PITPNB: variants seen among roughly 807,000 people sequenced by gnomAD.
PITPNB encodes phosphatidylinositol transfer protein beta.
In PITPNB, 16 loss-of-function variants were observed where a neutral mutation model predicts 45.9. The observed-to-expected ratio is 0.35, with a 90% confidence interval of 0.24 to 0.53. The LOEUF (loss-of-function observed/expected upper bound fraction) is 0.53. PITPNB is among the 20% of genes least tolerant of loss of function. PITPNB has a pLI of 0.93. For synonymous variants in PITPNB, 112 were observed against 108.9 expected (o/e 1.03, Z -0.18); for missense variants, 188 against 330.5 (o/e 0.57, Z 3.34).
intron 8 of PITPNB, among the ~76,000 whole-genome samples, chr22:27,866,258 TTAAA>T (rs1390471172): frequency 1.7e-4 from 26 of 152,248 alleles, no homozygotes; most frequent in African/African-American, 6.3e-4. Context: ...AAAATTGTAT[TTAAA>T]TAGTTTGTAT....
intron 7 of PITPNB, among the ~76,000 whole-genome samples, chr22:27,890,285 G>A (rs186628308): frequency 5.2e-4 from 79 of 150,802 alleles, no homozygotes; most frequent in Non-Finnish European, 9.4e-4. Context: ...CTTAAAAACT[G>A]TCAAGGGCAA....
At chr22:27,893,567 G>A (rs1935347716) in intron 7 of PITPNB, among the ~76,000 whole-genome samples, 1 of 143,894 alleles carries the variant, frequency 6.9e-6, no homozygotes, top group South Asian at 2.2e-4. Context: ...ACAGGCTTGA[G>A]CCACCATGTC....
chr22:27,916,162 A>C (rs1449110864), intron 1 of PITPNB, among the ~76,000 whole-genome samples: 1 of 152,234 alleles, frequency 6.6e-6, no homozygotes, highest in Non-Finnish European at 1.5e-5. Context: ...CCCTATTTTT[A>C]TTTAAGAACA....
At chr22:27,887,720 G>A (rs1390262710) in intron 7 of PITPNB, among the ~76,000 whole-genome samples, 1 of 152,096 alleles carries the variant, frequency 6.6e-6, no homozygotes, top group African/African-American at 2.4e-5. Context: ...AACATTGACT[G>A]CTGGTATGGC....
intron 6 of PITPNB, among the ~76,000 whole-genome samples, 191 bp from the exon 7 acceptor site, chr22:27,894,829 AAAT>A (rs1378537984): frequency 3.3e-5 from 5 of 152,208 alleles, no homozygotes; most frequent in African/African-American, 9.7e-5. Flanking sequence ...TTATAACCCC[AAAT>A]AATAAGGAAG....
intron 7 of PITPNB, among the ~76,000 whole-genome samples, chr22:27,886,687 T>TG (rs1187874235): frequency 6.6e-6 from 1 of 152,196 alleles, no homozygotes; most frequent in African/African-American, 2.4e-5. Flanking sequence ...TTAAAATATT[T>TG]GGGGCTGCAT....
intron 7 of PITPNB, among the ~76,000 whole-genome samples, chr22:27,879,007 C>G (rs564663177): frequency 2.6e-5 from 4 of 151,348 alleles, no homozygotes; most frequent in Non-Finnish European, 5.9e-5. Context: ...GAAATGCAGT[C>G]AAATCTACAC....
At chr22:27,897,021 G>A in intron 5 of PITPNB, 109 bp downstream of exon 5, 1 of 820,350 alleles carries the variant, frequency 1.2e-6, no homozygotes. Context: ...GACACAGGAA[G>A]GAACCATGCA....
At chr22:27,913,239 C>G (rs1184183914) in intron 2 of PITPNB, among the ~76,000 whole-genome samples, 1 of 152,136 alleles carries the variant, frequency 6.6e-6, no homozygotes, top group African/African-American at 2.4e-5. Context: ...ATATAAACAA[C>G]TGTGTTCAAG....
At chr22:27,893,702 GTCTAAGCCTCCTC>G (rs1241823787) in intron 7 of PITPNB, among the ~76,000 whole-genome samples, 1 of 146,450 alleles carries the variant, frequency 6.8e-6, no homozygotes, top group Non-Finnish European at 1.5e-5. Context: ...TAATCCTCCT[GTCTAAGCCTCCTC>G]ATGTAGCTGG....
chr22:27,855,770 C>T (rs1934155024), intron 10 of PITPNB, among the ~76,000 whole-genome samples: 2 of 152,316 alleles, frequency 1.3e-5, no homozygotes, highest in South Asian at 4.2e-4. Flanking sequence ...CTAGTTCTCT[C>T]CAGGGCCAAA....
At chr22:27,860,520 C>A (rs973405951) in intron 8 of PITPNB, 1 of 251,498 alleles carries the variant, frequency 4.0e-6, no homozygotes, top group South Asian at 7.4e-5. Flanking sequence ...ATATTAAATA[C>A]CAAATTCTAT....
At chr22:27,910,044 C>T (rs368737810) in intron 3 of PITPNB, among the ~76,000 whole-genome samples, 16 of 150,250 alleles carry the variant, frequency 1.1e-4, no homozygotes, top group Admixed American at 3.3e-4. Context: ...TCCACCTCCT[C>T]GGTTCAAAAG....
intron 3 of PITPNB, chr22:27,910,738 T>A: frequency 2.4e-6 from 1 of 409,636 alleles, no homozygotes; most frequent in Non-Finnish European, 4.4e-6. Flanking sequence ...AAATATTTGA[T>A]GGCAAGGAGC....
intron 4 of PITPNB, among the ~76,000 whole-genome samples, chr22:27,897,488 A>G (rs959217671): frequency 6.6e-6 from 1 of 152,218 alleles, no homozygotes; most frequent in Non-Finnish European, 1.5e-5. Flanking sequence ...TAGCAATTTA[A>G]GTAAAATACT....
At chr22:27,912,881 C>G (rs1935969064) in intron 2 of PITPNB, among the ~76,000 whole-genome samples, 1 of 149,014 alleles carries the variant, frequency 6.7e-6, no homozygotes, top group South Asian at 2.1e-4. Flanking sequence ...ACTAGGGAGG[C>G]TGAGGCACGG....
Position 27,860,150 on chromosome 22 carries a change from ACTTTG to A in PITPNB, c.621_625del (p.Lys208ArgfsTer24). On this transcript the variant is annotated frameshift_variant, in exon 9 of 12. Transcript: ENST00000335272. LOFTEE classifies it high-confidence loss of function. ...TTTTACCTTTTGAATGAAGTTTTCT[ACTTTG>A]CTTTGCAGTCCCCACCACTTGAATT... 1 of 1,609,860 alleles carries A rather than the reference ACTTTG, an allele frequency of 6.2e-7. No individual in the cohort carries two copies. The highest frequency in any genetic ancestry group is 8.5e-7 in the Non-Finnish European group (1 of 1,176,172).
At chr22:27,876,893 T>C (rs994603129) in intron 7 of PITPNB, among the ~76,000 whole-genome samples, 7 of 152,210 alleles carry the variant, frequency 4.6e-5, no homozygotes, top group African/African-American at 9.6e-5. Context: ...GAGGCTCTGA[T>C]GAAGAGAAGC....
At chr22:27,902,571 T>C (rs1935630989) in intron 3 of PITPNB, among the ~76,000 whole-genome samples, 1 of 152,128 alleles carries the variant, frequency 6.6e-6, no homozygotes, top group Admixed American at 6.5e-5. Context: ...AAGACTTAAA[T>C]AAAAACTAAA....
Sources: gnomAD v4.1 joint callset for allele counts (sites outside exome capture counted in the v4.1 genomes callset) on GRCh38, gnomAD v4.1.1 for gene constraint, MANE v1.5 for transcripts, NCBI Gene and HGNC (gene_info 2026-07-23, HGNC 2026-07-21) for gene names.